Variants in PALMD observed in about 807,000 individuals in gnomAD.
The protein encoded by PALMD is palmdelphin, also known as paralemmin-like protein.
In PALMD, 42 loss-of-function variants were observed where a neutral mutation model predicts 56.2. The observed-to-expected ratio is 0.75, with a 90% CI of 0.58 to 0.97. The LOEUF is 0.97. Among genes scored for constraint, PALMD ranks in the 50% least tolerant of loss-of-function variants. PALMD has a pLI of 0.00. For missense variants in PALMD, 660 were observed against 643.8 expected (o/e 1.03, Z -0.27); for synonymous variants, 242 against 222.9 (o/e 1.09, Z -0.76).
At chr1:99,680,343 C>T (rs535195656) in intron 3 of PALMD, among the ~76,000 whole-genome samples, 6 of 152,172 alleles carry the variant, frequency 3.9e-5, no homozygotes, top group African/African-American at 1.2e-4. Context: ...AAATAACCCT[C>T]TTTTTCCCCA....
chr1:99,665,010 T>G (rs957226241), intron 2 of PALMD, among the ~76,000 whole-genome samples: 2 of 152,142 alleles, frequency 1.3e-5, no homozygotes, highest in African/African-American at 4.8e-5. Flanking sequence ...CATCTTAATA[T>G]TCAAACTACT....
Position 99,686,783 on chromosome 1 carries a change from T to C in PALMD, c.359T>C (p.Ile120Thr), listed in dbSNP as rs748165851. ...TCAATTGAGCGGACAACAGAAGACA[T>C]TATAAGAGTGAGCATTAACCAATTT... is the stretch of plus-strand genomic sequence containing the variant. The part of the protein sequence containing the change: ...LKSIERTTED[I>T]IRSVKVEREE... The change falls in exon 4 of 8, where the codon ATT becomes ACT. Residue 120 changes from isoleucine (I) to threonine (T), a missense_variant. By Grantham distance (89) the Ile-to-Thr change is moderately conservative. Coordinates refer to ENST00000263174, the MANE Select transcript of PALMD (RefSeq NM_017734.5). The C allele has an allele frequency of 3.9e-6, 6 of 1,543,878 alleles. No homozygotes were observed. In the Admixed American group the frequency reaches 1.0e-4, roughly 26 times the overall value.
intron 5 of PALMD, 44 bp from the exon 6 acceptor site, chr1:99,687,032 T>C (rs752261170): frequency 1.3e-6 from 2 of 1,516,386 alleles, no homozygotes; most frequent in Non-Finnish European, 1.8e-6. Flanking sequence ...GTTCCCATTG[T>C]AAATATATTC....
Position 99,655,837 on chromosome 1 carries a change from A to G in PALMD, c.46-6482A>G, listed in dbSNP as rs75403827. 4.6e-3 allele frequency among the ~76,000 whole-genome samples: 700 copies of G among 152,290 alleles called. 8 individuals are homozygous for G. Among genetic ancestry groups the G allele is most frequent in the African/African-American group, 0.016 (661 of 41,568 alleles). On this transcript the variant is annotated intron_variant, in intron 1 of 7. Transcript: ENST00000263174. ...TCAAAAATATGAAATTAAAGTAGAA[A>G]CGGAATCATATTTTATCTCTGTCAT...
intron 3 of PALMD, among the ~76,000 whole-genome samples, chr1:99,681,703 C>T (rs560185474): frequency 2.6e-5 from 4 of 152,180 alleles, no homozygotes; most frequent in Non-Finnish European, 5.9e-5. Context: ...TGTGAGGAAA[C>T]TGTTCTGTGC....
intron 3 of PALMD, chr1:99,684,456 T>C (rs1653441915): frequency 6.6e-6 from 1 of 152,170 alleles, no homozygotes; most frequent in South Asian, 2.1e-4. Flanking sequence ...GAAGAGTGCC[T>C]GGTTCAAAGT....
chr1:99,650,467 A>G (rs1652542397), intron 1 of PALMD, among the ~76,000 whole-genome samples: 1 of 152,208 alleles, frequency 6.6e-6, no homozygotes, highest in Non-Finnish European at 1.5e-5. Context: ...GACCAACATT[A>G]AAACAAGAAC....
intron 1 of PALMD, among the ~76,000 whole-genome samples, chr1:99,658,075 C>T (rs1271824664): frequency 1.3e-5 from 2 of 152,056 alleles, no homozygotes; most frequent in Admixed American, 6.5e-5. Flanking sequence ...CCAAGGCGAG[C>T]GGATCACTTG....
chr1:99,665,749 C>T (rs1230804483), intron 2 of PALMD, among the ~76,000 whole-genome samples: 2 of 152,070 alleles, frequency 1.3e-5, no homozygotes. Context: ...TTACTGTCTT[C>T]TTTCCTATGC....
chr1:99,663,201 A>G (rs1377689016), intron 2 of PALMD, among the ~76,000 whole-genome samples: 1 of 152,184 alleles, frequency 6.6e-6, no homozygotes, highest in Admixed American at 6.5e-5. Flanking sequence ...CATTTTTCTA[A>G]TGGAACAAGT....
At chr1:99,684,138 T>A (rs1195014363) in intron 3 of PALMD, 2 of 152,204 alleles carry the variant, frequency 1.3e-5, no homozygotes, top group African/African-American at 4.8e-5. Flanking sequence ...AATATATACA[T>A]ATTTGTATTA....
chr1:99,664,255 T>A (rs1461326957), intron 2 of PALMD, among the ~76,000 whole-genome samples: 4 of 152,344 alleles, frequency 2.6e-5, no homozygotes, highest in African/African-American at 7.2e-5. Flanking sequence ...AAATGATAGT[T>A]GTTTTAATTT....
At chr1:99,662,212 G>A in intron 1 of PALMD, 107 bp from the exon 2 acceptor site, 1 of 664,040 alleles carries the variant, frequency 1.5e-6, no homozygotes, top group South Asian at 1.8e-5. Flanking sequence ...TCACACCAAT[G>A]CCAAAAAAAT....
At chr1:99,685,056 A>G (rs963261913) in intron 3 of PALMD, 1 of 152,256 alleles carries the variant, frequency 6.6e-6, no homozygotes, top group Non-Finnish European at 1.5e-5. Flanking sequence ...AAAGAAAGAC[A>G]TACAGTATGT....
At chr1:99,652,601 CAGAAA>C (rs374940454) in intron 1 of PALMD, among the ~76,000 whole-genome samples, 11 of 137,826 alleles carry the variant, frequency 8.0e-5, no homozygotes, top group African/African-American at 1.4e-4. Flanking sequence ...GAGACTCCGT[CAGAAA>C]AGAAAAGAAA....
At chr1:99,678,986 T>A (rs2100868995) in intron 3 of PALMD, among the ~76,000 whole-genome samples, 1 of 151,684 alleles carries the variant, frequency 6.6e-6, no homozygotes, top group Non-Finnish European at 1.5e-5. Flanking sequence ...AAAAAATCCT[T>A]CTTTATCTAG....
chr1:99,683,054 AAG>A (rs775605217), intron 3 of PALMD, among the ~76,000 whole-genome samples: 389 of 26,266 alleles, frequency 0.015, 19 homozygotes, highest in South Asian at 0.027. Context: ...GAAAGAAAGA[AAG>A]AGAGAGAGAG....
intron 7 of PALMD, among the ~76,000 whole-genome samples, chr1:99,691,562 G>A (rs926965955): frequency 1.3e-5 from 2 of 151,930 alleles, no homozygotes; most frequent in African/African-American, 2.4e-5. Context: ...TTTCCAATTC[G>A]GCATACAGAC....
intron 1 of PALMD, among the ~76,000 whole-genome samples, chr1:99,656,712 TAG>T (rs1557667473): frequency 1.3e-5 from 2 of 152,198 alleles, no homozygotes; most frequent in African/African-American, 4.8e-5. Flanking sequence ...TTTTCTTTTG[TAG>T]AGTTAGTGAG....
Sources: gnomAD v4.1 joint callset for allele counts (sites outside exome capture counted in the v4.1 genomes callset) on GRCh38, gnomAD v4.1.1 for gene constraint, MANE v1.5 for transcripts, NCBI Gene and HGNC (gene_info 2026-07-23, HGNC 2026-07-21) for gene names.